ATG7: variants seen among roughly 807,000 people sequenced by gnomAD.
The protein encoded by ATG7 is autophagy related 7.
ATG7 carries 70 observed loss-of-function variants against 82.4 expected under a neutral mutation model. The ratio of observed to expected loss-of-function variants is 0.85; its 90% CI spans 0.70 to 1.04. The LOEUF is 1.04. Ranked by LOEUF, ATG7 falls within the 50% of genes least tolerant of loss-of-function variation. The probability of loss-of-function intolerance (pLI) is 0.00; values close to 1 mark genes in which losing one functional copy is unlikely to be tolerated. For synonymous variants in ATG7, 287 were observed against 313.0 expected, an observed-to-expected ratio of 0.92 and a Z score of 0.88; for missense variants, 792 against 864.3, an observed-to-expected ratio of 0.92 and a Z score of 1.05.
At chr3:11,331,300 A>G (rs766367759) in intron 9 of ATG7, 40 bp from the exon 10 acceptor site, 3 of 1,468,224 alleles carry the variant, frequency 2.0e-6, no homozygotes, top group Admixed American at 1.7e-5. Flanking sequence ...TGAAGCTGAC[A>G]TGATACTCGA....
chr3:11,504,039 A>G (rs1459039871), intron 20 of ATG7, among the ~76,000 whole-genome samples: 1 of 152,214 alleles, frequency 6.6e-6, no homozygotes, highest in African/African-American at 2.4e-5. Context: ...GAGAGAAACA[A>G]ATGTCTCCAT....
chr3:11,309,683 C>T (rs1474354409), intron 7 of ATG7, among the ~76,000 whole-genome samples: 2 of 151,866 alleles, frequency 1.3e-5, no homozygotes, highest in African/African-American at 2.4e-5. Context: ...CGCGTGTGTG[C>T]GTACACACAC....
intron 9 of ATG7, among the ~76,000 whole-genome samples, chr3:11,319,441 T>C (rs888152002): frequency 6.6e-6 from 1 of 152,242 alleles, no homozygotes; most frequent in African/African-American, 2.4e-5. Flanking sequence ...CTTTGAGCCC[T>C]GTGTCCTCAT....
At chr3:11,568,689 G>A in the ATG7 span, 51 of 1,551,538 alleles carry the variant, frequency 3.3e-5, no homozygotes, top group Non-Finnish European at 4.1e-5. This position sits in a 1 kb window ranked among gnomAD's most constrained non-coding sequence, Gnocchi z 5.9. Context: ...ATCACCTCCC[G>A]GCCACTGCTT....
At chr3:11,464,083 A>C (rs906329350) in intron 20 of ATG7, among the ~76,000 whole-genome samples, 20 of 152,276 alleles carry the variant, frequency 1.3e-4, no homozygotes, top group African/African-American at 4.3e-4. Flanking sequence ...GCTTTTGTAA[A>C]AAAATTGGCC....
At chr3:11,435,039 A>G (rs1205421862) in intron 20 of ATG7, among the ~76,000 whole-genome samples, 1 of 152,236 alleles carries the variant, frequency 6.6e-6, no homozygotes, top group African/African-American at 2.4e-5. Flanking sequence ...AATGCTTTTC[A>G]ACTCTAATTT....
chr3:11,345,689 A>C (rs1954427067), intron 13 of ATG7, among the ~76,000 whole-genome samples: 1 of 151,204 alleles, frequency 6.6e-6, no homozygotes, highest in South Asian at 2.1e-4. Context: ...GTTTTTTTGG[A>C]GCATTACTTT....
At chr3:11,502,175 G>A (rs2153063600) in intron 20 of ATG7, among the ~76,000 whole-genome samples, 1 of 151,486 alleles carries the variant, frequency 6.6e-6, no homozygotes, top group Admixed American at 6.6e-5. Flanking sequence ...TTTGGATCCT[G>A]AAAAGATGGA....
intron 20 of ATG7, among the ~76,000 whole-genome samples, chr3:11,436,984 T>A (rs2083425811): frequency 6.6e-6 from 1 of 152,148 alleles, no homozygotes; most frequent in Non-Finnish European, 1.5e-5. Context: ...TCTTAGATAG[T>A]GATGATGGTT....
chr3:11,375,264 A>AAC (rs2077328631), intron 18 of ATG7, among the ~76,000 whole-genome samples: 22 of 152,220 alleles, frequency 1.4e-4, no homozygotes, highest in Admixed American at 1.4e-3. Flanking sequence ...CAGATGATAT[A>AAC]TTTGATAAGA....
intron 18 of ATG7, among the ~76,000 whole-genome samples, chr3:11,377,064 A>G (rs563048386): frequency 1.3e-5 from 2 of 152,268 alleles, no homozygotes; most frequent in South Asian, 2.1e-4. Flanking sequence ...TGTCAGCTAT[A>G]GGGAGTGGGT....
intron 20 of ATG7, among the ~76,000 whole-genome samples, chr3:11,456,681 C>T (rs1559662966): frequency 6.6e-6 from 1 of 152,148 alleles, no homozygotes; most frequent in African/African-American, 2.4e-5. Context: ...CCCCCACTAC[C>T]GACCACTGTG....
chr3:11,454,590 G>A (rs1027781582), intron 20 of ATG7, among the ~76,000 whole-genome samples: 1 of 152,130 alleles, frequency 6.6e-6, no homozygotes, highest in Admixed American at 6.5e-5. Flanking sequence ...TTCCCTGAAG[G>A]TACCATTATC....
chr3:11,533,390 G>A (rs2092728467), intron 20 of ATG7, among the ~76,000 whole-genome samples: 1 of 152,026 alleles, frequency 6.6e-6, no homozygotes, highest in Admixed American at 6.6e-5. Flanking sequence ...TCTTAAGAAA[G>A]ATAAAGTGAT....
intron 20 of ATG7, among the ~76,000 whole-genome samples, chr3:11,495,068 G>C (rs1158247082): frequency 6.6e-6 from 1 of 151,596 alleles, no homozygotes; most frequent in Non-Finnish European, 1.5e-5. Flanking sequence ...CAAGAGCAAG[G>C]CTCCGTCTCA....
intron 20 of ATG7, among the ~76,000 whole-genome samples, chr3:11,427,796 C>T (rs1027709866): frequency 8.4e-5 from 12 of 143,658 alleles, no homozygotes; most frequent in African/African-American, 2.4e-4. Context: ...GTCCGGGCGA[C>T]GGTGCGAGAC....
chr3:11,535,376 G>T (rs1304045597), intron 20 of ATG7, among the ~76,000 whole-genome samples: 1 of 152,216 alleles, frequency 6.6e-6, no homozygotes, highest in Non-Finnish European at 1.5e-5. Flanking sequence ...CCAGCATGGT[G>T]CCCAAGTCCC....
At chr3:11,482,755 T>C (rs1341340053) in intron 20 of ATG7, among the ~76,000 whole-genome samples, 3 of 152,116 alleles carry the variant, frequency 2.0e-5, no homozygotes, top group African/African-American at 7.2e-5. Flanking sequence ...AGGCTACTAA[T>C]CCAGTGCTTT....
At chr3:11,396,473 T>C (rs975242479) in intron 19 of ATG7, among the ~76,000 whole-genome samples, 5 of 151,988 alleles carry the variant, frequency 3.3e-5, no homozygotes, top group African/African-American at 1.2e-4. Flanking sequence ...TAAATGAACA[T>C]TTGAACATTT....
Sources: allele counts gnomAD v4.1 joint callset (sites outside exome capture counted in the v4.1 genomes callset), GRCh38; gene constraint gnomAD v4.1.1; non-coding constraint Gnocchi (gnomAD v3.1); transcripts MANE v1.5; gene names NCBI Gene and HGNC (gene_info 2026-07-23, HGNC 2026-07-21).